ENTREP2: variants seen among roughly 807,000 people sequenced by gnomAD.
The protein encoded by ENTREP2 is endosomal transmembrane epsin interactor 2.
chr15:29,438,180 G>C, the ENTREP2 span, among the ~76,000 whole-genome samples: 2 of 152,204 alleles, frequency 1.3e-5, no homozygotes, highest in Non-Finnish European at 2.9e-5. Flanking sequence ...ATGATCCACA[G>C]TTCTGAGACT....
At chr15:29,308,705 C>T in the ENTREP2 span, among the ~76,000 whole-genome samples, 30,718 of 152,090 alleles carry the variant, frequency 0.2, 5,856 homozygotes, top group African/African-American at 0.51. Flanking sequence ...TTTAGAATGA[C>T]GTTGAAGATG....
At chr15:29,434,027 G>C in the ENTREP2 span, among the ~76,000 whole-genome samples, 1 of 152,138 alleles carries the variant, frequency 6.6e-6, no homozygotes, top group African/African-American at 2.4e-5. Flanking sequence ...GTCTATCCTA[G>C]AGAATGTGAG....
chr15:29,510,797 G>A, the ENTREP2 span, among the ~76,000 whole-genome samples: 12 of 133,804 alleles, frequency 9.0e-5, no homozygotes, highest in African/African-American at 3.2e-4. Context: ...GCGACAGAGT[G>A]AGACTCCATC....
chr15:29,535,611 G>A, the ENTREP2 span, among the ~76,000 whole-genome samples: 1 of 152,296 alleles, frequency 6.6e-6, no homozygotes, highest in East Asian at 1.9e-4. Context: ...GATCACTCGA[G>A]CCTGGGAGTG....
the ENTREP2 span, chr15:29,266,799 T>C: frequency 3.3e-5 from 5 of 152,200 alleles, no homozygotes; most frequent in African/African-American, 4.8e-5. Flanking sequence ...AAGGAAAAGA[T>C]ATAAGGCCTT....
At chr15:29,531,031 G>C in the ENTREP2 span, among the ~76,000 whole-genome samples, 1 of 152,192 alleles carries the variant, frequency 6.6e-6, no homozygotes, top group Admixed American at 6.5e-5. Context: ...GGAGGCACCT[G>C]CCTGCATTCT....
chr15:29,277,911 T>A, the ENTREP2 span, among the ~76,000 whole-genome samples: 1,024 of 151,876 alleles, frequency 6.7e-3, 10 homozygotes, highest in African/African-American at 0.023. Flanking sequence ...ACAGGGACAA[T>A]GCGAATAGGT....
the ENTREP2 span, among the ~76,000 whole-genome samples, chr15:29,424,606 C>T: frequency 6.6e-6 from 1 of 152,260 alleles, no homozygotes; most frequent in Middle Eastern, 3.4e-3. Flanking sequence ...GACCCAACAC[C>T]AGGTCATCCA....
the ENTREP2 span, among the ~76,000 whole-genome samples, chr15:29,311,244 A>G: frequency 3.1e-4 from 47 of 152,336 alleles, no homozygotes; most frequent in African/African-American, 1.0e-3. Context: ...TTGTATCATT[A>G]TATGATCGAT....
At chr15:29,646,212 A>T in the ENTREP2 span, among the ~76,000 whole-genome samples, 1 of 152,228 alleles carries the variant, frequency 6.6e-6, no homozygotes, top group Non-Finnish European at 1.5e-5. Flanking sequence ...AGCTTAAAAC[A>T]GCACCCGTTG....
chr15:29,182,656 A>G, the ENTREP2 span, among the ~76,000 whole-genome samples: 3 of 150,362 alleles, frequency 2.0e-5, no homozygotes, highest in Non-Finnish European at 3.0e-5. Context: ...ATGAGAAAGA[A>G]AGAGAGAGAG....
chr15:29,386,702 T>A, the ENTREP2 span, among the ~76,000 whole-genome samples: 9 of 152,192 alleles, frequency 5.9e-5, no homozygotes, highest in African/African-American at 1.9e-4. Flanking sequence ...GTCATGAGGA[T>A]GACGCCTTCA....
chr15:29,269,652 G>C, the ENTREP2 span: 3 of 1,571,902 alleles, frequency 1.9e-6, no homozygotes, highest in South Asian at 2.3e-5. Flanking sequence ...TCCAGTCTCT[G>C]TCCCTCTCGG....
the ENTREP2 span, chr15:29,375,559 A>C: frequency 1.3e-5 from 2 of 152,440 alleles, 1 homozygote; most frequent in African/African-American, 4.8e-5. Flanking sequence ...TCACAACAGG[A>C]GGCTGCAGCA....
the ENTREP2 span, among the ~76,000 whole-genome samples, chr15:29,630,960 G>A: frequency 6.6e-6 from 1 of 152,156 alleles, no homozygotes; most frequent in Non-Finnish European, 1.5e-5. Context: ...GGCATTACAG[G>A]CATAAGCCTG....
chr15:29,340,081 G>A, the ENTREP2 span, among the ~76,000 whole-genome samples: 1 of 152,244 alleles, frequency 6.6e-6, no homozygotes, highest in Non-Finnish European at 1.5e-5. Context: ...CTTAAAGGCT[G>A]CTTCCAAGTT....
At chr15:29,658,039 C>G in the ENTREP2 span, among the ~76,000 whole-genome samples, 5 of 152,120 alleles carry the variant, frequency 3.3e-5, no homozygotes, top group African/African-American at 4.8e-5. Context: ...TAAAACAAAT[C>G]AGGAGTTGCC....
At chr15:29,346,211 ACAAAGT>A in the ENTREP2 span, among the ~76,000 whole-genome samples, 6 of 152,224 alleles carry the variant, frequency 3.9e-5, no homozygotes, top group Non-Finnish European at 7.3e-5. Context: ...AAAGCTAAGA[ACAAAGT>A]CAGACAAACG....
chr15:29,375,488 C>T, the ENTREP2 span: 4 of 152,414 alleles, frequency 2.6e-5, no homozygotes, highest in South Asian at 6.2e-4. Context: ...GTATAGCCTC[C>T]TTAACTCAGC....
Sources: allele counts gnomAD v4.1 joint callset (sites outside exome capture counted in the v4.1 genomes callset), GRCh38; gene constraint gnomAD v4.1.1; transcripts MANE v1.5; gene names NCBI Gene and HGNC (gene_info 2026-07-23, HGNC 2026-07-21).